The following MYO5B variants were observed in gnomAD, a reference collection of about 807,000 sequenced individuals.
MYO5B encodes myosin VB.
Under a neutral mutation model 229.3 loss-of-function variants are expected in MYO5B, and 143 were observed. That is an observed-to-expected ratio of 0.62 (90% confidence interval 0.54 to 0.72). The LOEUF (loss-of-function observed/expected upper bound fraction) is 0.72. Among genes scored for constraint, MYO5B ranks in the 30% least tolerant of loss-of-function variants. MYO5B has a pLI of 0.00. For synonymous variants in MYO5B, 918 were observed against 885.2 expected (o/e 1.04, Z -0.66); for missense variants, 2,321 against 2,331.0 (o/e 1.00, Z 0.09).
chr18:49,859,446 G>C (rs1320467008), intron 29 of MYO5B, among the ~76,000 whole-genome samples: 1 of 152,214 alleles, frequency 6.6e-6, no homozygotes, highest in Non-Finnish European at 1.5e-5. Context: ...CCAGCTCAGA[G>C]ATGGTCAGTT....
intron 2 of MYO5B, among the ~76,000 whole-genome samples, chr18:50,050,908 G>A (rs981250989): frequency 1.3e-5 from 2 of 152,328 alleles, no homozygotes; most frequent in Admixed American, 1.3e-4. Flanking sequence ...ATTAGGCCAA[G>A]CATCCAAGTC....
rs149682556 is a variant in MYO5B at position 50,016,111 on chromosome 18, C to T, written c.456-14700G>A. 5.4e-3 allele frequency among the ~76,000 whole-genome samples: 815 copies of T among 152,288 alleles called. 12 individuals carry two copies. The highest frequency in any genetic ancestry group is 0.019 in the African/African-American group (792 of 41,544). ...GGAGGTATCAGACAGTAGGCAAGGC[C>T]TTCAGATCCCAGGAAAGCATGATCA... On this transcript the variant is annotated intron_variant, in intron 4 of 39. Coordinates refer to ENST00000285039, the MANE Select transcript of MYO5B (RefSeq NM_001080467.3).
intron 1 of MYO5B, among the ~76,000 whole-genome samples, chr18:50,116,359 C>G (rs1437230750): frequency 6.6e-6 from 1 of 152,148 alleles, no homozygotes; most frequent in Non-Finnish European, 1.5e-5. Flanking sequence ...TTCACTGTTA[C>G]TAAATGAACA....
At chr18:49,881,232 C>T (rs2024582231) in intron 22 of MYO5B, among the ~76,000 whole-genome samples, 1 of 152,136 alleles carries the variant, frequency 6.6e-6, no homozygotes, top group South Asian at 2.1e-4. Flanking sequence ...AAATTTTGGG[C>T]TCTCAAACCT....
At chr18:50,146,375 A>T (rs543714058) in intron 1 of MYO5B, among the ~76,000 whole-genome samples, 2 of 152,242 alleles carry the variant, frequency 1.3e-5, no homozygotes, top group Non-Finnish European at 2.9e-5. Context: ...TTGTGGCTAC[A>T]GGCAAGCAAA....
At chr18:49,875,954 A>G in intron 25 of MYO5B, 127 bp from the exon 26 acceptor site, 5 of 1,118,366 alleles carry the variant, frequency 4.5e-6, no homozygotes, top group Admixed American at 1.9e-5. Context: ...ATCAATTTGC[A>G]TCTCAAATAC....
intron 8 of MYO5B, among the ~76,000 whole-genome samples, chr18:49,982,384 G>A (rs2025825385): frequency 6.6e-6 from 1 of 152,116 alleles, no homozygotes; most frequent in African/African-American, 2.4e-5. Flanking sequence ...GAGAACCAAT[G>A]CTCTGTCAAT....
intron 6 of MYO5B, 72 bp downstream of exon 6, chr18:49,992,216 G>A: frequency 6.3e-7 from 1 of 1,592,174 alleles, no homozygotes; most frequent in East Asian, 2.2e-5. Context: ...GGTCCAGGGA[G>A]TGGGGCAGGG....
chr18:49,894,537 T>G (rs1392194855), intron 22 of MYO5B, among the ~76,000 whole-genome samples: 1 of 152,178 alleles, frequency 6.6e-6, no homozygotes, highest in Non-Finnish European at 1.5e-5. Context: ...CAAAGCACAG[T>G]GCTGCATCAT....
At chr18:49,984,519 T>C (rs2025850216) in intron 8 of MYO5B, among the ~76,000 whole-genome samples, 199 bp downstream of exon 8, 1 of 152,170 alleles carries the variant, frequency 6.6e-6, no homozygotes, top group African/African-American at 2.4e-5. Context: ...TAAAAGGCAA[T>C]GAAGCTCCAA....
chr18:49,877,219 A>C (rs1217628), intron 25 of MYO5B, among the ~76,000 whole-genome samples: 114,177 of 152,036 alleles, frequency 0.75, 42,994 homozygotes, highest in Admixed American at 0.85. Context: ...AAATTATACA[A>C]AGACCACACA....
intron 38 of MYO5B, 46 bp from the exon 39 acceptor site, chr18:49,835,470 G>C (rs2023976757): frequency 1.6e-6 from 2 of 1,254,696 alleles, no homozygotes; most frequent in East Asian, 4.6e-5. Context: ...AAATGAACAT[G>C]AGACAACTTT....
intron 1 of MYO5B, among the ~76,000 whole-genome samples, chr18:50,106,502 C>T (rs2031762800): frequency 6.6e-6 from 1 of 152,188 alleles, no homozygotes; most frequent in African/African-American, 2.4e-5. Flanking sequence ...ACCATTTTTA[C>T]CTTGGAAATA....
At chr18:49,927,627 A>G (rs1457125746) in intron 17 of MYO5B, among the ~76,000 whole-genome samples, 2 of 152,190 alleles carry the variant, frequency 1.3e-5, no homozygotes, top group Non-Finnish European at 2.9e-5. Context: ...TTGACAAAGC[A>G]AAAACAAAAA....
intron 1 of MYO5B, among the ~76,000 whole-genome samples, chr18:50,123,935 G>A (rs200545366): frequency 3.9e-5 from 6 of 152,142 alleles, no homozygotes; most frequent in South Asian, 2.1e-4. Context: ...GATACATGCC[G>A]TCCACAGAAG....
intron 4 of MYO5B, among the ~76,000 whole-genome samples, chr18:50,006,285 C>A (rs2026100056): frequency 6.6e-6 from 1 of 152,182 alleles, no homozygotes; most frequent in South Asian, 2.1e-4. Context: ...CAATGTGTGG[C>A]TTCATCCATT....
intron 2 of MYO5B, among the ~76,000 whole-genome samples, chr18:50,053,322 C>T (rs1223507763): frequency 6.6e-6 from 1 of 152,206 alleles, no homozygotes; most frequent in Non-Finnish European, 1.5e-5. Flanking sequence ...GTCTGGGCAG[C>T]TGCCACAGTT....
chr18:49,950,184 T>C (rs915139039), intron 14 of MYO5B, among the ~76,000 whole-genome samples: 3 of 152,162 alleles, frequency 2.0e-5, no homozygotes, highest in Admixed American at 6.5e-5. Flanking sequence ...TTAATCTCAG[T>C]GCTGCCAGCC....
intron 2 of MYO5B, among the ~76,000 whole-genome samples, chr18:50,046,480 G>A (rs1355766175): frequency 6.6e-6 from 1 of 152,194 alleles, no homozygotes; most frequent in Non-Finnish European, 1.5e-5. Flanking sequence ...CAATCTTCAA[G>A]GGTCATTCCA....
Sources: allele counts gnomAD v4.1 joint callset (sites outside exome capture counted in the v4.1 genomes callset), GRCh38; gene constraint gnomAD v4.1.1; transcripts MANE v1.5; gene names NCBI Gene and HGNC (gene_info 2026-07-23, HGNC 2026-07-21).